Variants in EXOC6 observed in about 807,000 individuals in gnomAD.
EXOC6 encodes the protein exocyst complex component 6, also known as SEC15-like 1.
A neutral mutation model predicts 112.5 loss-of-function variants in EXOC6; 60 were observed. The ratio of observed to expected loss-of-function variants is 0.53; its 90% CI spans 0.43 to 0.66. EXOC6 has a LOEUF of 0.66. EXOC6 is among the 30% of genes least tolerant of loss of function. EXOC6 has a pLI of 0.00. For missense variants in EXOC6, 855 were observed against 957.1 expected (o/e 0.89, Z 1.41); for synonymous variants, 295 against 308.0 (o/e 0.96, Z 0.44).
intron 20 of EXOC6, among the ~76,000 whole-genome samples, chr10:93,021,381 T>G (rs1361558010): frequency 6.6e-6 from 1 of 152,030 alleles, no homozygotes. Flanking sequence ...AGTGGAAAAA[T>G]CACTCTGCGA....
At chr10:92,871,459 C>G (rs943857072) in intron 1 of EXOC6, among the ~76,000 whole-genome samples, 2 of 149,076 alleles carry the variant, frequency 1.3e-5, no homozygotes, top group African/African-American at 5.0e-5. Context: ...TGATTGTGTT[C>G]CTGCACTCCT....
At chr10:92,961,697 TTC>T in intron 17 of EXOC6, among the ~76,000 whole-genome samples, 1 of 79,962 alleles carries the variant, frequency 1.3e-5, no homozygotes, top group Non-Finnish European at 2.3e-5. Flanking sequence ...GTGCTCCGCT[TTC>T]TGTTTTTTTT....
intron 14 of EXOC6, among the ~76,000 whole-genome samples, chr10:92,950,746 G>T (rs923683413): frequency 6.6e-6 from 1 of 152,178 alleles, no homozygotes; most frequent in Non-Finnish European, 1.5e-5. Flanking sequence ...TTTCCTGAGG[G>T]TTATGGGAAG....
intron 1 of EXOC6, among the ~76,000 whole-genome samples, chr10:92,866,922 A>G (rs563645943): frequency 2.0e-5 from 3 of 152,322 alleles, no homozygotes; most frequent in South Asian, 4.2e-4. Flanking sequence ...TTCTATTTAT[A>G]TAAGTACTTA....
intron 13 of EXOC6, 85 bp downstream of exon 13, chr10:92,940,909 C>A: frequency 1.8e-5 from 16 of 866,314 alleles, no homozygotes; most frequent in Non-Finnish European, 2.8e-5. Context: ...AATAAAAATG[C>A]TTATAATCAT....
At chr10:92,878,404 C>T (rs1465226301) in intron 1 of EXOC6, 1 of 152,140 alleles carries the variant, frequency 6.6e-6, no homozygotes, top group Non-Finnish European at 1.5e-5. Flanking sequence ...TAATCTTGAT[C>T]CTAGGACTTT....
At chr10:92,879,429 T>G (rs769986288) in intron 1 of EXOC6, among the ~76,000 whole-genome samples, 1 of 152,150 alleles carries the variant, frequency 6.6e-6, no homozygotes, top group Non-Finnish European at 1.5e-5. Flanking sequence ...ATCACACCAC[T>G]GCACTCCAGC....
upstream of EXOC6, chr10:92,831,470 G>C: frequency 1.9e-6 from 1 of 530,806 alleles, no homozygotes; most frequent in Non-Finnish European, 2.9e-6. Context: ...GTCTCACTCT[G>C]TCACTCAGGC....
At chr10:92,910,123 G>C (rs1001740266) in intron 6 of EXOC6, among the ~76,000 whole-genome samples, 2 of 152,190 alleles carry the variant, frequency 1.3e-5, no homozygotes, top group Non-Finnish European at 2.9e-5. Context: ...TGAGTCAGCA[G>C]TTCCACTCCT....
chr10:92,925,014 A>G (rs185499181), intron 8 of EXOC6, among the ~76,000 whole-genome samples: 95 of 152,280 alleles, frequency 6.2e-4, no homozygotes, highest in African/African-American at 2.3e-3. Context: ...CCTTTTTTAT[A>G]TCCCTGATTT....
At chr10:92,889,986 A>G (rs929075684) in intron 1 of EXOC6, among the ~76,000 whole-genome samples, 1 of 152,122 alleles carries the variant, frequency 6.6e-6, no homozygotes, top group African/African-American at 2.4e-5. Flanking sequence ...CCCAAGGATC[A>G]GTTTATCGAT....
chr10:93,014,284 T>C lies in EXOC6; in HGVS notation c.2169+17T>C, dbSNP rs1424105945. On this transcript the variant is annotated intron_variant, in intron 20 of 21. Coordinates refer to ENST00000260762, the MANE Select transcript of EXOC6 (RefSeq NM_019053.6). ...CTCAGACAAGTAAGATATAATAATG[T>C]ACTTCCCATTTGTTGCCCTCTAACT... The C allele has an allele frequency of 6.3e-7, 1 of 1,596,748 alleles. No homozygotes were observed. Among genetic ancestry groups the C allele is most frequent in the Non-Finnish European group, 8.6e-7 (1 of 1,165,428 alleles).
At chr10:92,876,863 C>G (rs1848705684) in intron 1 of EXOC6, among the ~76,000 whole-genome samples, 1 of 152,112 alleles carries the variant, frequency 6.6e-6, no homozygotes, top group South Asian at 2.1e-4. Flanking sequence ...TGGAAAAAAA[C>G]AAAACAATGC....
chr10:92,905,116 T>C (rs1850372827), intron 5 of EXOC6, among the ~76,000 whole-genome samples: 1 of 152,116 alleles, frequency 6.6e-6, no homozygotes, highest in Non-Finnish European at 1.5e-5. Context: ...GTGCTTTCTG[T>C]TTCATTTTAA....
intron 20 of EXOC6, among the ~76,000 whole-genome samples, chr10:93,050,108 A>T (rs1340947228): frequency 2.0e-5 from 3 of 152,242 alleles, no homozygotes; most frequent in Non-Finnish European, 4.4e-5. Flanking sequence ...TTATAAAAAC[A>T]AAAATAGACA....
At chr10:93,051,358 G>A (rs909656878) in intron 20 of EXOC6, among the ~76,000 whole-genome samples, 3 of 152,230 alleles carry the variant, frequency 2.0e-5, no homozygotes. Context: ...GGAGTGAAAG[G>A]ATTGGCTGAG....
chr10:92,856,670 TGGAG>T (rs937036594), intron 1 of EXOC6, among the ~76,000 whole-genome samples: 9 of 152,190 alleles, frequency 5.9e-5, no homozygotes, highest in African/African-American at 2.2e-4. Flanking sequence ...CTACTGTTGT[TGGAG>T]GGAGTATTCT....
At chr10:93,050,115 G>A (rs770437348) in intron 20 of EXOC6, among the ~76,000 whole-genome samples, 46 of 152,060 alleles carry the variant, frequency 3.0e-4, no homozygotes, top group Non-Finnish European at 5.9e-4. Flanking sequence ...AACAAAAATA[G>A]ACAAAAATGG....
In EXOC6 at chr10:93,058,387, A is replaced by G. The variant is rs573264116; in HGVS notation, c.*32A>G. The G allele has an allele frequency of 1.1e-5, 17 of 1,553,364 alleles. No individual in the cohort carries two copies. In the East Asian group the frequency reaches 3.8e-4, roughly 34 times the overall value. ...CATGGCTTGCACTCAGTGACACCAA[A>G]TCCATGATTCAATGTTGATCTTGAG... On this transcript the variant is annotated 3_prime_UTR_variant, in exon 22 of 22. Coordinates refer to ENST00000260762, the MANE Select transcript of EXOC6 (RefSeq NM_019053.6).
Sources: gnomAD v4.1 joint callset for allele counts (sites outside exome capture counted in the v4.1 genomes callset) on GRCh38, gnomAD v4.1.1 for gene constraint, MANE v1.5 for transcripts, NCBI Gene and HGNC (gene_info 2026-07-23, HGNC 2026-07-21) for gene names.